Variants in TRAPPC13 observed in about 807,000 individuals in gnomAD.
The protein encoded by TRAPPC13 is trafficking protein particle complex subunit 13, also known as REV7-interacting novel NHEJ regulator 1.
TRAPPC13 carries 39 observed loss-of-function variants against 54.0 expected under a neutral mutation model. That is an observed-to-expected ratio of 0.72 (90% CI 0.56 to 0.94). TRAPPC13 has a LOEUF of 0.94. TRAPPC13 is among the 40% of genes least tolerant of loss of function. The probability of loss-of-function intolerance (pLI) is 0.00; values close to 1 mark genes in which losing one functional copy is unlikely to be tolerated. For synonymous variants in TRAPPC13, 148 were observed against 167.7 expected, an observed-to-expected ratio of 0.88 and a Z score of 0.91; for missense variants, 386 against 488.1, an observed-to-expected ratio of 0.79 and a Z score of 1.97.
At chr5:65,627,177 C>T (rs1482423553) in intron 1 of TRAPPC13, among the ~76,000 whole-genome samples, 2 of 126,484 alleles carry the variant, frequency 1.6e-5, no homozygotes, top group African/African-American at 2.8e-5. Flanking sequence ...GCAGCCTAAA[C>T]GGACAAGTGC....
intron 5 of TRAPPC13, among the ~76,000 whole-genome samples, chr5:65,649,602 A>G (rs1756346959): frequency 6.6e-6 from 1 of 152,190 alleles, no homozygotes; most frequent in South Asian, 2.1e-4. Context: ...CATTTTTGTT[A>G]GCCAGTTATG....
In TRAPPC13 at chr5:65,650,491, GTT is replaced by G. The variant is rs1380785554; in HGVS notation, c.429-317_429-316del. Among the ~76,000 whole-genome samples, 4 of 151,980 alleles carry G rather than the reference GTT, an allele frequency of 2.6e-5. No homozygotes were observed. In the East Asian group the frequency reaches 5.8e-4, roughly 22 times the overall value. On this transcript the variant is annotated intron_variant, in intron 5 of 12. Coordinates refer to ENST00000399438, the MANE Select transcript of TRAPPC13 (RefSeq NM_024941.4). ...TTTTTTTAATCCATATTTTTTTCTA[GTT>G]TATATGAACTTGTTTTATATACTCA... is the stretch of plus-strand genomic sequence containing the variant.
chr5:65,637,630 CAAAAAAAAAAAA>C, intron 3 of TRAPPC13, 54 bp from the exon 4 acceptor site: 1 of 680,198 alleles, frequency 1.5e-6, no homozygotes. Context: ...GACTCTGTCT[CAAAAAAAAAAAA>C]AAAGAAAAAA....
At position 65,627,131 on chromosome 5, in the gene TRAPPC13, C is replaced by CAAAAAAAAAAAAAAAA. The variant is rs60169195; in HGVS notation, c.46+2036_46+2051dup. 3.6e-3 allele frequency among the ~76,000 whole-genome samples: 117 copies of CAAAAAAAAAAAAAAAA among 32,572 alleles called. 12 individuals carry two copies. The highest frequency in any genetic ancestry group is 6.2e-3 in the Non-Finnish European group (97 of 15,526). The allele number at this position is 32,572 out of a possible 152,430, so 21.4% of individuals were successfully genotyped here. On this transcript the variant is annotated intron_variant, in intron 1 of 12. Coordinates refer to ENST00000399438, the MANE Select transcript of TRAPPC13 (RefSeq NM_024941.4). The stretch of plus-strand genomic sequence containing the variant: ...TGGGTGACAGAGTGAGACCCTGTCT[C>CAAAAAAAAAAAAAAAA]AAAAAAAAAAAAAAAAAAAAAAAAA...
Position 65,664,357 on chromosome 5 carries a change from T to G in TRAPPC13, c.1119T>G (p.Thr373=). 6.2e-7 allele frequency: 1 copy of G among 1,613,734 alleles called. No homozygotes were observed. The part of the protein sequence containing the change: ...HPSSSLCLAL[T]LLSSVQGLQS... Reference sequence around the variant, plus strand: ...GTTCTTCGCTCTGTCTTGCCCTTACTCTGCTTTCTTCAGTACAGGGACTGC... The same window carrying G: ...GTTCTTCGCTCTGTCTTGCCCTTACGCTGCTTTCTTCAGTACAGGGACTGC... The change falls in exon 12 of 13, where the codon ACT becomes ACG. Residue 373 remains threonine, a synonymous_variant. Coordinates refer to ENST00000399438, the MANE Select transcript of TRAPPC13 (RefSeq NM_024941.4).
At chr5:65,635,432 T>C (rs1475935544) in intron 2 of TRAPPC13, 63 bp downstream of exon 2, 25 of 1,294,754 alleles carry the variant, frequency 1.9e-5, no homozygotes, top group Non-Finnish European at 2.8e-5. Context: ...TTGCCTGCAT[T>C]ACCTTGGACT....
chr5:65,655,332 C>T (rs1172985536), intron 7 of TRAPPC13, among the ~76,000 whole-genome samples: 1 of 152,186 alleles, frequency 6.6e-6, no homozygotes, highest in Non-Finnish European at 1.5e-5. Context: ...AATTATAGAA[C>T]TAGAAAGTCA....
chr5:65,662,141 C>T lies in TRAPPC13; in HGVS notation c.989C>T (p.Thr330Ile). The change falls in exon 11 of 13, where the codon ACA becomes ATA. Residue 330 changes from threonine to isoleucine, a missense_variant. Coordinates refer to ENST00000399438, the MANE Select transcript of TRAPPC13 (RefSeq NM_024941.4). ...EEPFHITCKI[T>I]NCSERTMDLV... ...CCTTTTCATATTACCTGTAAAATAA[C>T]AAACTGCAGGTAATGCCACTGTTTG... 1.9e-6 allele frequency: 3 copies of T among 1,603,454 alleles called. No homozygotes were observed. The highest frequency in any genetic ancestry group is 2.6e-6 in the Non-Finnish European group (3 of 1,174,994).
chr5:65,629,951 G>A (rs1561761168), intron 1 of TRAPPC13: 1 of 1,536,048 alleles, frequency 6.5e-7, no homozygotes, highest in Non-Finnish European at 8.7e-7. Flanking sequence ...TAAACAATCA[G>A]AAAAGGGAAA....
rs374766937 is a variant in TRAPPC13 at position 65,644,283 on chromosome 5, TC to T, written c.301-2771del. On this transcript the variant is annotated intron_variant, in intron 4 of 12. Transcript: ENST00000399438. ...CCTCCACCTCCTGGTTTCAAGTGAT[TC>T]TTCTGCCTCAGCCTCCCGAGTAGCT... Among the ~76,000 whole-genome samples the T allele has an allele frequency of 5.1e-4, 77 of 152,256 alleles. No individual in the cohort carries two copies. The South Asian group carries it at 0.013, about 26-fold the overall frequency.
chr5:65,644,296 C>A (rs540166771), intron 4 of TRAPPC13, among the ~76,000 whole-genome samples: 1 of 152,220 alleles, frequency 6.6e-6, no homozygotes, highest in Non-Finnish European at 1.5e-5. Context: ...TCTGCCTCAG[C>A]CTCCCGAGTA....
At chr5:65,646,998 C>T in intron 4 of TRAPPC13, 57 bp from the exon 5 acceptor site, 1 of 1,479,946 alleles carries the variant, frequency 6.8e-7, no homozygotes, top group Non-Finnish European at 9.0e-7. Flanking sequence ...GCCATGCACA[C>T]CCTGTAGGTA....
At chr5:65,634,310 T>C (rs1755667235) in intron 1 of TRAPPC13, among the ~76,000 whole-genome samples, 1 of 152,126 alleles carries the variant, frequency 6.6e-6, no homozygotes, top group Admixed American at 6.5e-5. Context: ...TTTATATAAG[T>C]ATATCCTATC....
intron 4 of TRAPPC13, among the ~76,000 whole-genome samples, chr5:65,644,881 CAAAAA>C (rs34137576): frequency 8.0e-6 from 1 of 124,958 alleles, no homozygotes; most frequent in Admixed American, 8.3e-5. Flanking sequence ...ACTCCGTCTC[CAAAAA>C]AAAAAAAAAA....
At chr5:65,634,987 C>T (rs1411786372) in intron 1 of TRAPPC13, 3 of 878,702 alleles carry the variant, frequency 3.4e-6, no homozygotes, top group Non-Finnish European at 4.1e-6. Flanking sequence ...TTTTTTAAAG[C>T]CTTATGCTCC....
chr5:65,664,520 G>C lies in TRAPPC13; in HGVS notation c.1163G>C (p.Arg388Thr). 1.2e-6 allele frequency: 2 copies of C among 1,610,808 alleles called. No individual in the cohort carries two copies. The highest frequency in any genetic ancestry group is 1.7e-6 in the Non-Finnish European group (2 of 1,179,016). ...VQGLQSISGL[R>T]LTDTFLKRTY... ...TCTCAATAGAGCATCTCTGGCTTAA[G>C]ACTAACAGACACATTCTTAAAGAGA... Residue 388 changes from arginine (R) to threonine (T), a missense_variant, in exon 13 of 13, where the codon AGA becomes ACA. Transcript: ENST00000399438.
chr5:65,640,347 C>T (rs1039892402), intron 4 of TRAPPC13, among the ~76,000 whole-genome samples: 1 of 152,150 alleles, frequency 6.6e-6, no homozygotes, highest in African/African-American at 2.4e-5. Flanking sequence ...GACCAGCCTA[C>T]ACAACATAGC....
intron 5 of TRAPPC13, among the ~76,000 whole-genome samples, chr5:65,649,164 C>T (rs895358828): frequency 1.3e-5 from 2 of 152,144 alleles, no homozygotes; most frequent in African/African-American, 4.8e-5. Context: ...TTCAGTGATC[C>T]ATGATCACGC....
intron 1 of TRAPPC13, among the ~76,000 whole-genome samples, chr5:65,632,511 TTAA>T (rs1405848974): frequency 2.6e-5 from 4 of 152,200 alleles, no homozygotes; most frequent in Non-Finnish European, 5.9e-5. Context: ...AGGCTTATAA[TTAA>T]TAATTATTAT....
Sources: allele counts gnomAD v4.1 joint callset (sites outside exome capture counted in the v4.1 genomes callset), GRCh38; gene constraint gnomAD v4.1.1; transcripts MANE v1.5; gene names NCBI Gene and HGNC (gene_info 2026-07-23, HGNC 2026-07-21).